The following HS3ST4 variants were observed in gnomAD, a reference collection of about 807,000 sequenced individuals.
HS3ST4 encodes the protein heparan sulfate-glucosamine 3-sulfotransferase 4, also known as heparan sulfate glucosamine 3-O-sulfotransferase 4.
Under a neutral mutation model 29.2 loss-of-function variants are expected in HS3ST4, and 17 were observed. The observed-to-expected ratio is 0.58, with a 90% CI of 0.40 to 0.87. The LOEUF is 0.87. Ranked by LOEUF, HS3ST4 falls within the 40% of genes least tolerant of loss-of-function variation. The pLI, the probability that HS3ST4 is intolerant of heterozygous loss-of-function variation, is 0.00. For synonymous variants in HS3ST4, 314 were observed against 285.7 expected (o/e 1.10, Z -1.00); for missense variants, 627 against 634.5 (o/e 0.99, Z 0.13).
At chr16:25,920,144 C>T (rs1033647448) in intron 1 of HS3ST4, among the ~76,000 whole-genome samples, 2 of 152,168 alleles carry the variant, frequency 1.3e-5, no homozygotes, top group Non-Finnish European at 2.9e-5. Flanking sequence ...GGTCTCATTG[C>T]TCAACCTTAA....
At chr16:26,124,030 C>T (rs1899310686) in intron 1 of HS3ST4, among the ~76,000 whole-genome samples, 1 of 152,074 alleles carries the variant, frequency 6.6e-6, no homozygotes, top group South Asian at 2.1e-4. Context: ...AAGCGATTCT[C>T]CTGCCTCAGC....
At chr16:25,725,143 C>G (rs1266983116) in intron 1 of HS3ST4, among the ~76,000 whole-genome samples, 2 of 151,194 alleles carry the variant, frequency 1.3e-5, no homozygotes, top group Admixed American at 6.6e-5. Context: ...TCATAGGCAC[C>G]CTTTTCCAGA....
rs1040144435 is a variant in HS3ST4 at position 25,861,762 on chromosome 16, G to A, written c.734+168611G>A. On this transcript the variant is annotated intron_variant, in intron 1 of 1. Transcript: ENST00000331351. ...TGTAATATATTTCCTGCTTTTCTTT[G>A]TAATTTTACCACTTATCCTCCCTTA... Among the ~76,000 whole-genome samples the A allele has an allele frequency of 2.0e-5, 3 of 152,016 alleles. No individual in the cohort carries two copies. The South Asian group carries it at 6.2e-4, about 31-fold the overall frequency.
rs528585587 is a variant in HS3ST4 at position 25,855,401 on chromosome 16, A to G, written c.734+162250A>G. Among the ~76,000 whole-genome samples, 3 of 152,342 alleles carry G rather than the reference A, an allele frequency of 2.0e-5. No homozygotes were observed. In the South Asian group the frequency reaches 6.2e-4, roughly 32 times the overall value. On this transcript the variant is annotated intron_variant, in intron 1 of 1. Transcript: ENST00000331351. ...CTGGCTGCATTAATAGAGATTCTCT[A>G]CAAATGCAAATTTTCTCCCATAAAG... is the stretch of plus-strand genomic sequence containing the variant.
chr16:25,702,855 T>C (rs1966343438), intron 1 of HS3ST4, among the ~76,000 whole-genome samples: 1 of 152,008 alleles, frequency 6.6e-6, no homozygotes, highest in Non-Finnish European at 1.5e-5. Context: ...AGAGTTGAGC[T>C]AGCGGCTCAA....
chr16:25,806,789 G>T (rs1966994965), intron 1 of HS3ST4, among the ~76,000 whole-genome samples: 1 of 151,970 alleles, frequency 6.6e-6, no homozygotes, highest in Non-Finnish European at 1.5e-5. Context: ...TTATTGAGAT[G>T]TTTCCAGTTG....
At chr16:25,959,750 C>T (rs1200477443) in intron 1 of HS3ST4, among the ~76,000 whole-genome samples, 1 of 152,078 alleles carries the variant, frequency 6.6e-6, no homozygotes, top group Admixed American at 6.6e-5. Flanking sequence ...GGGGATGGGG[C>T]CTGGTGGGAG....
intron 1 of HS3ST4, among the ~76,000 whole-genome samples, chr16:25,740,548 C>T (rs1004863226): frequency 1.3e-5 from 2 of 152,094 alleles, no homozygotes; most frequent in East Asian, 1.9e-4. Flanking sequence ...AATAACAACC[C>T]GGTATTCTGG....
chr16:25,913,104 G>A (rs1968256503), intron 1 of HS3ST4, among the ~76,000 whole-genome samples: 1 of 152,224 alleles, frequency 6.6e-6, no homozygotes, highest in Non-Finnish European at 1.5e-5. Context: ...TGAGCGAATG[G>A]AGCCTTGGGA....
chr16:25,977,817 G>T (rs1968958982), intron 1 of HS3ST4, among the ~76,000 whole-genome samples: 1 of 152,184 alleles, frequency 6.6e-6, no homozygotes, highest in Non-Finnish European at 1.5e-5. Context: ...GGACGAAGTG[G>T]AACACCAAGC....
intron 1 of HS3ST4, among the ~76,000 whole-genome samples, chr16:25,957,415 GCTCT>G (rs10578512): frequency 0.5 from 75,966 of 151,442 alleles, 19,505 homozygotes; most frequent in African/African-American, 0.61. Context: ...AACCTTCATA[GCTCT>G]CTCTCTCTCT....
chr16:26,020,951 G>A (rs1969407048), intron 1 of HS3ST4, among the ~76,000 whole-genome samples: 1 of 152,170 alleles, frequency 6.6e-6, no homozygotes, highest in Admixed American at 6.5e-5. Flanking sequence ...GGGATGGTTG[G>A]TAAGAATGGT....
chr16:25,924,027 T>A (rs751752605), intron 1 of HS3ST4, among the ~76,000 whole-genome samples: 8 of 152,218 alleles, frequency 5.3e-5, no homozygotes, highest in Non-Finnish European at 1.2e-4. Flanking sequence ...AAATGCTTAC[T>A]TGACATCTTC....
At chr16:25,978,347 T>C (rs1968965581) in intron 1 of HS3ST4, among the ~76,000 whole-genome samples, 1 of 152,252 alleles carries the variant, frequency 6.6e-6, no homozygotes, top group South Asian at 2.1e-4. Context: ...GTAAACATTT[T>C]AGTCTTGGCA....
chr16:25,997,130 T>C (rs1969165066), intron 1 of HS3ST4, among the ~76,000 whole-genome samples: 1 of 152,348 alleles, frequency 6.6e-6, no homozygotes, highest in South Asian at 2.1e-4. Flanking sequence ...TGGAGCCTCT[T>C]GTACTTTCTA....
At position 25,692,865 on chromosome 16, in the gene HS3ST4, A is replaced by T. The variant is rs776023910; in HGVS notation, c.448A>T (p.Ile150Phe). The T allele has an allele frequency of 6.6e-7, 1 of 1,506,134 alleles. No homozygotes were observed. Among genetic ancestry groups the T allele is most frequent in the African/African-American group, 1.4e-5 (1 of 70,170 alleles). The allele number at this position is 1,506,134 out of a possible 1,614,324, so 93.3% of individuals were successfully genotyped here. A position where few individuals can be genotyped will look rare whatever the true frequency, so the allele number is the denominator to read the frequency against. Reference sequence around the variant, plus strand: ...GACCCCGCTGGCCCCCAGCGAGATGATCACGGCTCAGAGCGCGCTGCCGGA... The same window carrying T: ...GACCCCGCTGGCCCCCAGCGAGATGTTCACGGCTCAGAGCGCGCTGCCGGA... ...LRTPLAPSEM[I>F]TAQSALPERE... The change falls in exon 1 of 2, where the codon ATC becomes TTC. Residue 150 changes from isoleucine to phenylalanine, a missense_variant. Transcript: ENST00000331351.
chr16:26,047,826 G>C (rs1898288426), intron 1 of HS3ST4, among the ~76,000 whole-genome samples: 1 of 152,184 alleles, frequency 6.6e-6, no homozygotes, highest in Non-Finnish European at 1.5e-5. Context: ...AAGGTAGAAG[G>C]TGGTGATGAT....
At chr16:25,902,568 G>A (rs770241436) in intron 1 of HS3ST4, among the ~76,000 whole-genome samples, 1 of 152,020 alleles carries the variant, frequency 6.6e-6, no homozygotes, top group Non-Finnish European at 1.5e-5. Context: ...AGGAGTGTGG[G>A]TCCCCTCCTC....
At chr16:25,876,233 A>G (rs537225763) in intron 1 of HS3ST4, among the ~76,000 whole-genome samples, 4 of 152,256 alleles carry the variant, frequency 2.6e-5, no homozygotes, top group African/African-American at 7.2e-5. Context: ...TGCTATTTCA[A>G]TTAAGAATCA....
Sources: allele counts gnomAD v4.1 joint callset (sites outside exome capture counted in the v4.1 genomes callset), GRCh38; gene constraint gnomAD v4.1.1; transcripts MANE v1.5; gene names NCBI Gene and HGNC (gene_info 2026-07-23, HGNC 2026-07-21).